The following FYN variants were observed in gnomAD, a reference collection of about 807,000 sequenced individuals.
FYN encodes the protein tyrosine-protein kinase Fyn.
A neutral mutation model predicts 70.2 loss-of-function variants in FYN; 10 were observed. The ratio of observed to expected loss-of-function variants is 0.14; its 90% CI spans 0.09 to 0.24. The LOEUF is 0.24. FYN is among the 10% of genes least tolerant of loss of function. FYN has a pLI of 1.00. For missense variants in FYN, 319 were observed against 673.1 expected, an observed-to-expected ratio of 0.47 and a Z score of 5.82; for synonymous variants, 236 against 248.6, an observed-to-expected ratio of 0.95 and a Z score of 0.48.
chr6:111,793,641 C>G (rs896319311), intron 2 of FYN: 22 of 152,272 alleles, frequency 1.4e-4, no homozygotes, highest in African/African-American at 4.3e-4. Flanking sequence ...ATTTCTGGGG[C>G]TCTTTAGATC....
At chr6:111,665,995 CTTTTTT>C (rs991104460) in intron 13 of FYN, among the ~76,000 whole-genome samples, 4 of 89,050 alleles carry the variant, frequency 4.5e-5, no homozygotes, top group African/African-American at 1.4e-4. Flanking sequence ...CCTTTTTCTC[CTTTTTT>C]TTTTTTTTTT....
rs930480969 is a variant in FYN at position 111,830,251 on chromosome 6, G to A, written c.-82+16338C>T. On this transcript the variant is annotated intron_variant, in intron 2 of 13. Coordinates refer to ENST00000354650, the MANE Select transcript of FYN (RefSeq NM_002037.5). Reference sequence around the variant, plus strand: ...AGACTAATGATCTTACAGGGGCAGAGTGTCAGCAGTACAGGAAGATGGGAT... The same window carrying A: ...AGACTAATGATCTTACAGGGGCAGAATGTCAGCAGTACAGGAAGATGGGAT... 2.0e-5 allele frequency among the ~76,000 whole-genome samples: 3 copies of A among 152,320 alleles called. No individual in the cohort carries two copies. The South Asian group carries it at 6.2e-4, about 32-fold the overall frequency.
chr6:111,678,741 G>C (rs1798658065), intron 12 of FYN, among the ~76,000 whole-genome samples: 1 of 152,166 alleles, frequency 6.6e-6, no homozygotes, highest in African/African-American at 2.4e-5. Context: ...AAACCACCCA[G>C]TTGGTGACAA....
intron 2 of FYN, among the ~76,000 whole-genome samples, chr6:111,842,322 A>T (rs1356402306): frequency 6.6e-6 from 1 of 152,174 alleles, no homozygotes; most frequent in Non-Finnish European, 1.5e-5. Context: ...TGCCCTGTCC[A>T]GTGTCCATGG....
At chr6:111,829,318 C>T (rs1436514390) in intron 2 of FYN, among the ~76,000 whole-genome samples, 1 of 152,172 alleles carries the variant, frequency 6.6e-6, no homozygotes, top group Non-Finnish European at 1.5e-5. Context: ...TGATTTCTCA[C>T]CTGATGTGTG....
intron 5 of FYN, chr6:111,708,338 G>T: frequency 3.4e-6 from 1 of 298,070 alleles, no homozygotes. Flanking sequence ...GGATGGAAAA[G>T]GAATCCAGCC....
At chr6:111,719,583 A>C (rs1304497027) in intron 4 of FYN, 5 of 524,410 alleles carry the variant, frequency 9.5e-6, no homozygotes, top group Non-Finnish European at 1.7e-5. Context: ...AATCCTCAGA[A>C]AGCAGCAACT....
At chr6:111,830,211 C>A (rs534695819) in intron 2 of FYN, among the ~76,000 whole-genome samples, 3 of 152,086 alleles carry the variant, frequency 2.0e-5, no homozygotes, top group Non-Finnish European at 2.9e-5. Context: ...AGATGCCCAA[C>A]GATGGCTTGT....
intron 3 of FYN, among the ~76,000 whole-genome samples, chr6:111,764,599 T>C (rs1487237553): frequency 2.0e-5 from 3 of 152,166 alleles, no homozygotes; most frequent in Non-Finnish European, 2.9e-5. Context: ...TCTGATTTAG[T>C]AGAATAAGAA....
intron 1 of FYN, among the ~76,000 whole-genome samples, chr6:111,866,110 A>G (rs1774096747): frequency 1.3e-5 from 2 of 152,242 alleles, no homozygotes; most frequent in Non-Finnish European, 2.9e-5. Context: ...ACACACATAC[A>G]TATGGATTAA....
At chr6:111,721,900 G>A (rs1173930962) in intron 3 of FYN, among the ~76,000 whole-genome samples, 1 of 152,136 alleles carries the variant, frequency 6.6e-6, no homozygotes, top group Non-Finnish European at 1.5e-5. Flanking sequence ...TAGCCCATTT[G>A]GGACCAAAGA....
chr6:111,817,647 A>G (rs1461218751), intron 2 of FYN, among the ~76,000 whole-genome samples: 1 of 152,184 alleles, frequency 6.6e-6, no homozygotes, highest in Non-Finnish European at 1.5e-5. Flanking sequence ...TGTGCATCCA[A>G]GTGCATTCAT....
intron 6 of FYN, 75 bp from the exon 7 acceptor site, chr6:111,704,177 T>G: frequency 8.4e-7 from 1 of 1,191,816 alleles, no homozygotes; most frequent in Non-Finnish European, 1.2e-6. Flanking sequence ...GCTTTTTTTT[T>G]GCCCATGAAT....
At chr6:111,692,607 G>A (rs778914170) in intron 12 of FYN, among the ~76,000 whole-genome samples, 58 of 152,156 alleles carry the variant, frequency 3.8e-4, no homozygotes, top group East Asian at 7.7e-4. Context: ...GTTCATGAGC[G>A]TTAACCACAA....
chr6:111,788,233 T>G (rs1315650454), intron 2 of FYN, among the ~76,000 whole-genome samples: 1 of 152,226 alleles, frequency 6.6e-6, no homozygotes, highest in African/African-American at 2.4e-5. Context: ...GCCAGGTCCT[T>G]GAGGGCAAGA....
intron 12 of FYN, among the ~76,000 whole-genome samples, chr6:111,689,461 C>T (rs78730055): frequency 0.038 from 5,745 of 152,292 alleles, 289 homozygotes; most frequent in African/African-American, 0.12. Flanking sequence ...CTGGAGAACA[C>T]AGCCCAGAGA....
chr6:111,691,271 C>T (rs2128429924), intron 12 of FYN, among the ~76,000 whole-genome samples: 1 of 152,282 alleles, frequency 6.6e-6, no homozygotes, highest in Middle Eastern at 3.4e-3. Context: ...TGCTTGTGCC[C>T]TATGCAATGC....
intron 3 of FYN, among the ~76,000 whole-genome samples, chr6:111,760,595 C>T (rs1003621029): frequency 6.6e-6 from 1 of 152,178 alleles, no homozygotes; most frequent in African/African-American, 2.4e-5. Context: ...GCAGCAGTGG[C>T]GTGTGTGGGC....
At chr6:111,850,859 A>T (rs961928951) in intron 1 of FYN, among the ~76,000 whole-genome samples, 1 of 152,154 alleles carries the variant, frequency 6.6e-6, no homozygotes, top group Non-Finnish European at 1.5e-5. Context: ...CTGAGACAGG[A>T]CCCAGCTCAG....
Sources: gnomAD v4.1 joint callset for allele counts (sites outside exome capture counted in the v4.1 genomes callset) on GRCh38, gnomAD v4.1.1 for gene constraint, MANE v1.5 for transcripts, NCBI Gene and HGNC (gene_info 2026-07-23, HGNC 2026-07-21) for gene names.